Variants in SPON1 observed in about 807,000 individuals in gnomAD.
SPON1 encodes spondin 1, also known as spondin-1.
A neutral mutation model predicts 111.7 loss-of-function variants in SPON1; 52 were observed. That is an observed-to-expected ratio of 0.47 (90% CI 0.37 to 0.59). SPON1 has a LOEUF of 0.59. Ranked by LOEUF, SPON1 falls within the 20% of genes least tolerant of loss-of-function variation. SPON1 has a pLI of 0.00. For synonymous variants in SPON1, 410 were observed against 395.8 expected (o/e 1.04, Z -0.43); for missense variants, 957 against 1,068.5 (o/e 0.90, Z 1.46).
At chr11:14,134,084 G>A (rs1201483819) in intron 5 of SPON1, among the ~76,000 whole-genome samples, 2 of 149,720 alleles carry the variant, frequency 1.3e-5, no homozygotes, top group Non-Finnish European at 1.5e-5. Context: ...TATTAAAATA[G>A]GCAGTAATGG....
intron 6 of SPON1, among the ~76,000 whole-genome samples, chr11:14,181,589 T>G (rs539157910): frequency 6.6e-6 from 1 of 152,306 alleles, no homozygotes; most frequent in Non-Finnish European, 1.5e-5. Context: ...AAATGTAAAG[T>G]GGAAAAAGGT....
intron 6 of SPON1, among the ~76,000 whole-genome samples, chr11:14,176,731 G>A (rs1198593136): frequency 6.6e-6 from 1 of 152,156 alleles, no homozygotes; most frequent in African/African-American, 2.4e-5. Flanking sequence ...AGTAGAGAGA[G>A]TACCAGAGTC....
intron 5 of SPON1, among the ~76,000 whole-genome samples, chr11:14,083,965 CAA>C (rs1263821814): frequency 3.3e-5 from 5 of 152,134 alleles, no homozygotes; most frequent in African/African-American, 1.2e-4. Flanking sequence ...GCTTGCACCT[CAA>C]AGAGTCGCAT....
chr11:14,219,780 ATAGCTCCATGATGTCCATAAAAACCATT>A (rs1848661470), intron 6 of SPON1, among the ~76,000 whole-genome samples: 1 of 152,176 alleles, frequency 6.6e-6, no homozygotes, highest in Admixed American at 6.5e-5. Flanking sequence ...TTTGACTTAG[ATAGCTCCATGATGTCCATAAAAACCATT>A]CAGCTAAATA....
chr11:14,088,003 T>A (rs1849019816), intron 5 of SPON1, among the ~76,000 whole-genome samples: 1 of 152,164 alleles, frequency 6.6e-6, no homozygotes, highest in Non-Finnish European at 1.5e-5. Flanking sequence ...CTCCATCCCT[T>A]TTTTTTGAGC....
intron 7 of SPON1, among the ~76,000 whole-genome samples, chr11:14,244,921 C>G (rs1037445379): frequency 6.6e-6 from 1 of 152,216 alleles, no homozygotes; most frequent in Non-Finnish European, 1.5e-5. Context: ...ATACAGGCCA[C>G]CCCGAATCCT....
intron 1 of SPON1, among the ~76,000 whole-genome samples, chr11:13,971,025 A>G (rs1848059295): frequency 6.6e-6 from 1 of 152,232 alleles, no homozygotes; most frequent in African/African-American, 2.4e-5. Context: ...TGAAGCCCCA[A>G]GAACCCTGGT....
intron 5 of SPON1, among the ~76,000 whole-genome samples, chr11:14,111,363 TGGG>T (rs1849225491): frequency 6.6e-6 from 1 of 152,196 alleles, no homozygotes; most frequent in Admixed American, 6.5e-5. Flanking sequence ...TAGAGTTGGT[TGGG>T]ACTGTTACTA....
chr11:14,098,970 C>A (rs1207987969), intron 5 of SPON1, among the ~76,000 whole-genome samples: 1 of 152,140 alleles, frequency 6.6e-6, no homozygotes, highest in Non-Finnish European at 1.5e-5. Flanking sequence ...AGTCTCAAGG[C>A]CATACTAGCT....
rs868916741 is a variant in SPON1 at position 14,252,357 on chromosome 11, G to A, written c.891-2171G>A. ...CCAGCGCTATGTATCTGCCTCAGCC[G>A]AAGGCAAGACCTGCGCAGAGTGTGG... is the stretch of plus-strand genomic sequence containing the variant. On this transcript the variant is annotated intron_variant, in intron 7 of 15. Transcript: ENST00000576479. Among the ~76,000 whole-genome samples the A allele has an allele frequency of 4.7e-5, 7 of 147,742 alleles. 1 individual carries two copies. In the South Asian group the frequency reaches 1.3e-3, roughly 28 times the overall value.
chr11:14,059,185 T>A (rs534153322), intron 3 of SPON1, among the ~76,000 whole-genome samples: 34 of 152,148 alleles, frequency 2.2e-4, no homozygotes, highest in Admixed American at 5.2e-4. Context: ...GCTGGACCAG[T>A]GAGGGTTTTA....
chr11:14,052,595 A>G (rs1181135426), intron 3 of SPON1, among the ~76,000 whole-genome samples: 2 of 152,186 alleles, frequency 1.3e-5, no homozygotes, highest in Non-Finnish European at 2.9e-5. Flanking sequence ...TTCTTGGGAG[A>G]GCAGTTGGAA....
intron 6 of SPON1, among the ~76,000 whole-genome samples, chr11:14,168,171 T>C (rs1272892437): frequency 5.3e-5 from 8 of 152,184 alleles, no homozygotes; most frequent in African/African-American, 1.7e-4. Context: ...TATAACCTAA[T>C]GCTCCAAAGT....
intron 6 of SPON1, among the ~76,000 whole-genome samples, chr11:14,212,469 A>G (rs1434461457): frequency 1.3e-5 from 2 of 152,218 alleles, no homozygotes; most frequent in Non-Finnish European, 2.9e-5. Flanking sequence ...ATAGTATTCC[A>G]TATAAGTGGT....
intron 5 of SPON1, among the ~76,000 whole-genome samples, chr11:14,128,400 A>G (rs1847487672): frequency 6.6e-6 from 1 of 152,232 alleles, no homozygotes. Flanking sequence ...GGCAGTCATT[A>G]AATCTTAAAG....
rs1274438579 is a variant in SPON1 at position 13,962,886 on chromosome 11, A to C, written c.-19A>C. The C allele has an allele frequency of 6.8e-7, 1 of 1,464,284 alleles. No individual in the cohort carries two copies. The highest frequency in any genetic ancestry group is 1.5e-5 in the African/African-American group (1 of 67,860). The allele number at this position is 1,464,284 out of a possible 1,614,324, so 90.7% of individuals were successfully genotyped here. ...TGGCGAAGGCCTGCGGCCGCGGCAC[A>C]AAGTTGGGGGCCGCGAAGATGAGGC... On this transcript the variant is annotated 5_prime_UTR_variant, in exon 1 of 16. Transcript: ENST00000576479.
At chr11:13,977,614 T>C (rs1848112479) in intron 1 of SPON1, among the ~76,000 whole-genome samples, 3 of 152,214 alleles carry the variant, frequency 2.0e-5, no homozygotes, top group South Asian at 4.1e-4. Flanking sequence ...GTTGCAAATA[T>C]CTTCTTTGAC....
chr11:14,060,888 A>C (rs1391195842), intron 3 of SPON1, among the ~76,000 whole-genome samples: 2 of 152,182 alleles, frequency 1.3e-5, no homozygotes, highest in Non-Finnish European at 2.9e-5. Context: ...GGGTAGATAC[A>C]ACGGTGAACA....
intron 5 of SPON1, among the ~76,000 whole-genome samples, chr11:14,113,999 A>ATG (rs1849248411): frequency 6.6e-6 from 1 of 152,188 alleles, no homozygotes; most frequent in Admixed American, 6.5e-5. Context: ...TGAAATAAAC[A>ATG]CATCATGGGT....
Sources: gnomAD v4.1 joint callset for allele counts (sites outside exome capture counted in the v4.1 genomes callset) on GRCh38, gnomAD v4.1.1 for gene constraint, MANE v1.5 for transcripts, NCBI Gene and HGNC (gene_info 2026-07-23, HGNC 2026-07-21) for gene names.